RPIA: variants seen among roughly 807,000 people sequenced by gnomAD.
RPIA encodes ribose-5-phosphate isomerase.
Under a neutral mutation model 37.8 loss-of-function variants are expected in RPIA, and 29 were observed. The observed-to-expected ratio is 0.77, with a 90% CI of 0.57 to 1.05. RPIA has a LOEUF of 1.05. Among genes scored for constraint, RPIA ranks in the 50% least tolerant of loss-of-function variants. The pLI is 0.00. For missense variants in RPIA, 385 were observed against 413.6 expected (o/e 0.93, Z 0.60); for synonymous variants, 167 against 157.0 (o/e 1.06, Z -0.48).
In RPIA at chr2:88,698,705, T is replaced by C. The variant is rs188102452; in HGVS notation, c.346+161T>C. Among the ~76,000 whole-genome samples, 4 of 152,296 alleles carry C rather than the reference T, an allele frequency of 2.6e-5. No homozygotes were observed. The East Asian group carries it at 7.7e-4, about 29-fold the overall frequency. On this transcript the variant is annotated intron_variant, in intron 2 of 8. Coordinates refer to ENST00000283646, the MANE Select transcript of RPIA (RefSeq NM_144563.3). ...CCTGAGGTCAGTTGAGTGTTTCTGCTCTTTTGTGGAGAGAGGGAATCTTGG... is the reference window on the plus strand; with the variant it reads ...CCTGAGGTCAGTTGAGTGTTTCTGCCCTTTTGTGGAGAGAGGGAATCTTGG...
intron 8 of RPIA, among the ~76,000 whole-genome samples, chr2:88,746,550 C>T (rs1673439777): frequency 1.3e-5 from 2 of 152,160 alleles, no homozygotes; most frequent in Non-Finnish European, 2.9e-5. Context: ...CCACCCAGTG[C>T]GGCTACTGGG....
chr2:88,697,135 G>A (rs1208665186), intron 1 of RPIA, among the ~76,000 whole-genome samples: 3 of 152,142 alleles, frequency 2.0e-5, no homozygotes, highest in Non-Finnish European at 2.9e-5. Context: ...CTATACAGTC[G>A]TCATATATCT....
At chr2:88,700,189 G>A in intron 3 of RPIA, 125 bp downstream of exon 3, 1 of 881,338 alleles carries the variant, frequency 1.1e-6, no homozygotes, top group Non-Finnish European at 1.9e-6. Context: ...CCAGGAATAG[G>A]AGAGTTTATT....
chr2:88,702,846 G>A (rs1672848020), intron 3 of RPIA, among the ~76,000 whole-genome samples: 1 of 152,188 alleles, frequency 6.6e-6, no homozygotes, highest in Admixed American at 6.5e-5. Flanking sequence ...TCTGAGACAA[G>A]GCAAGTCACT....
chr2:88,694,997 A>G lies in RPIA; in HGVS notation c.285+3014A>G, dbSNP rs1476354856. Among the ~76,000 whole-genome samples, 92 of 147,098 alleles carry G rather than the reference A, an allele frequency of 6.3e-4. 1 individual carries two copies. The highest frequency in any genetic ancestry group is 2.2e-3 in the African/African-American group (87 of 38,982). Reference sequence around the variant, plus strand: ...AAAGTCTCAAAAAAAAAAAAAAAAGAAAAAGAAAAAGAAAAGCTCGAGAGG... The same window carrying G: ...AAAGTCTCAAAAAAAAAAAAAAAAGGAAAAGAAAAAGAAAAGCTCGAGAGG... On this transcript the variant is annotated intron_variant, in intron 1 of 8. Coordinates refer to ENST00000283646, the MANE Select transcript of RPIA (RefSeq NM_144563.3).
chr2:88,749,908 A>T, intron 8 of RPIA, 73 bp from the exon 9 acceptor site: 1 of 1,003,130 alleles, frequency 1.0e-6, no homozygotes, highest in Non-Finnish European at 1.6e-6. Flanking sequence ...GCTTCTAGTG[A>T]CCCTGCAGTC....
At chr2:88,733,843 C>A (rs528924955) in intron 4 of RPIA, among the ~76,000 whole-genome samples, 2 of 152,244 alleles carry the variant, frequency 1.3e-5, no homozygotes, top group East Asian at 3.9e-4. Context: ...GTGTAACTTT[C>A]TTGATTTTGA....
chr2:88,701,023 C>T (rs2104076537), intron 3 of RPIA, among the ~76,000 whole-genome samples: 1 of 152,282 alleles, frequency 6.6e-6, no homozygotes, highest in South Asian at 2.1e-4. Flanking sequence ...AGGATGCTGG[C>T]AGCCTGCAAC....
At chr2:88,729,140 C>G (rs1317483928) in intron 3 of RPIA, 138 bp from the exon 4 acceptor site, 3 of 860,344 alleles carry the variant, frequency 3.5e-6, no homozygotes, top group Non-Finnish European at 5.7e-6. Context: ...GCTAGATCTC[C>G]TACCTCATGG....
At chr2:88,741,014 C>A (rs1558700492) in intron 8 of RPIA, among the ~76,000 whole-genome samples, 1 of 152,008 alleles carries the variant, frequency 6.6e-6, no homozygotes, top group Non-Finnish European at 1.5e-5. Flanking sequence ...GATCACTACT[C>A]CGTTTCATTT....
At chr2:88,723,608 C>G (rs1266943541) in intron 3 of RPIA, among the ~76,000 whole-genome samples, 1 of 152,130 alleles carries the variant, frequency 6.6e-6, no homozygotes, top group East Asian at 1.9e-4. Flanking sequence ...TGGTACTAAG[C>G]ACTGATAGAT....
chr2:88,737,921 C>A, intron 7 of RPIA, 56 bp from the exon 8 acceptor site: 1 of 1,313,330 alleles, frequency 7.6e-7, no homozygotes, highest in Non-Finnish European at 1.1e-6. Flanking sequence ...ACTTTCCTGT[C>A]CTTCTCTGCC....
intron 3 of RPIA, among the ~76,000 whole-genome samples, chr2:88,728,589 G>C (rs1383248149): frequency 6.6e-6 from 1 of 152,176 alleles, no homozygotes; most frequent in Admixed American, 6.5e-5. Flanking sequence ...AAGGTTTGAG[G>C]TATCTTTATT....
At position 88,729,280 on chromosome 2, in the gene RPIA, C is replaced by G; in HGVS notation, c.405C>G (p.Ala135=). ...TTGCTCTTCCCTGTCCTCCGCAGGC[C>G]CGCCAGCTCATCCTGCAGTATGGCT... ...NLVCIPTSFQ[A]RQLILQYGLT... is the part of the protein sequence containing the mutation. Residue 135 remains alanine, a splice_region_variant and synonymous_variant, in exon 4 of 9, where the codon GCC becomes GCG. Coordinates refer to ENST00000283646, the MANE Select transcript of RPIA (RefSeq NM_144563.3). 1 of 1,614,118 alleles carries G rather than the reference C, an allele frequency of 6.2e-7. No homozygotes were observed. Among genetic ancestry groups the G allele is most frequent in the Non-Finnish European group, 8.5e-7 (1 of 1,179,990 alleles).
chr2:88,693,871 C>CT (rs1325808364), intron 1 of RPIA, among the ~76,000 whole-genome samples: 1 of 152,210 alleles, frequency 6.6e-6, no homozygotes, highest in Non-Finnish European at 1.5e-5. Context: ...GGGCCCAGCT[C>CT]TGTCTGTTTC....
At chr2:88,697,824 ATAC>A (rs901828984) in intron 1 of RPIA, among the ~76,000 whole-genome samples, 1 of 152,134 alleles carries the variant, frequency 6.6e-6, no homozygotes, top group African/African-American at 2.4e-5. Flanking sequence ...AGATGCTGAC[ATAC>A]TTTATTATTT....
In RPIA at chr2:88,738,656, G is replaced by A. The variant is rs565280421; in HGVS notation, c.838+580G>A. 2.0e-5 allele frequency among the ~76,000 whole-genome samples: 3 copies of A among 152,356 alleles called. No individual in the cohort carries two copies. The South Asian group carries it at 6.2e-4, about 32-fold the overall frequency. ...CTCAATTCTACTAGAGGAATACCAA[G>A]AGTCTAGAGTGCACAAAAAGTTTCT... is the stretch of plus-strand genomic sequence containing the variant. On this transcript the variant is annotated intron_variant, in intron 8 of 8. Coordinates refer to ENST00000283646, the MANE Select transcript of RPIA (RefSeq NM_144563.3).
chr2:88,743,584 A>G (rs575334974), intron 8 of RPIA, among the ~76,000 whole-genome samples: 1 of 151,618 alleles, frequency 6.6e-6, no homozygotes, highest in African/African-American at 2.4e-5. Context: ...TTTTTTTCCC[A>G]TCTTTTGGAA....
chr2:88,722,538 G>T (rs1349689367), intron 3 of RPIA, among the ~76,000 whole-genome samples: 3 of 152,206 alleles, frequency 2.0e-5, no homozygotes, highest in African/African-American at 7.2e-5. Context: ...ACTCCATCTT[G>T]CTTCTAACCT....
Sources: allele counts gnomAD v4.1 joint callset (sites outside exome capture counted in the v4.1 genomes callset), GRCh38; gene constraint gnomAD v4.1.1; transcripts MANE v1.5; gene names NCBI Gene and HGNC (gene_info 2026-07-23, HGNC 2026-07-21).